Variants in EPHA3 observed in about 807,000 individuals in gnomAD.
EPHA3 encodes EPH receptor A3, also known as ephrin type-A receptor 3.
EPHA3 carries 42 observed loss-of-function variants against 107.1 expected under a neutral mutation model. The observed-to-expected ratio is 0.39, with a 90% CI of 0.31 to 0.51. The LOEUF (loss-of-function observed/expected upper bound fraction) is 0.51, where lower values mean the gene tolerates loss of function less well. Ranked by LOEUF, EPHA3 falls within the 20% of genes least tolerant of loss-of-function variation. The probability of loss-of-function intolerance (pLI) is 0.78; values close to 1 mark genes in which losing one functional copy is unlikely to be tolerated. For synonymous variants in EPHA3, 461 were observed against 424.8 expected (o/e 1.09, Z -1.05); for missense variants, 1,183 against 1,211.2 (o/e 0.98, Z 0.35).
intron 1 of EPHA3, among the ~76,000 whole-genome samples, chr3:89,122,198 T>C (rs1445793773): frequency 6.6e-6 from 1 of 152,166 alleles, no homozygotes; most frequent in Non-Finnish European, 1.5e-5. Flanking sequence ...AAGATAAGTA[T>C]TTGTGAAATG....
chr3:89,293,604 C>G (rs1238453366), intron 3 of EPHA3, among the ~76,000 whole-genome samples: 1 of 152,110 alleles, frequency 6.6e-6, no homozygotes, highest in African/African-American at 2.4e-5. Flanking sequence ...ACAATTTCCC[C>G]ATGCGTTTCT....
At chr3:89,279,833 T>C (rs1705896441) in intron 3 of EPHA3, among the ~76,000 whole-genome samples, 1 of 152,194 alleles carries the variant, frequency 6.6e-6, no homozygotes, top group Non-Finnish European at 1.5e-5. Flanking sequence ...AAGGGTTCAG[T>C]ATTATTATAT....
chr3:89,375,346 G>C (rs1708382344), intron 5 of EPHA3, among the ~76,000 whole-genome samples: 5 of 151,764 alleles, frequency 3.3e-5, no homozygotes, highest in Admixed American at 2.6e-4. Flanking sequence ...TTTGAATATA[G>C]GTTGTTTATT....
At chr3:89,361,759 G>C (rs1010229964) in intron 5 of EPHA3, among the ~76,000 whole-genome samples, 1 of 150,876 alleles carries the variant, frequency 6.6e-6, no homozygotes, top group Non-Finnish European at 1.5e-5. Flanking sequence ...CCTTAGCCTG[G>C]AGAGGTGATA....
intron 2 of EPHA3, among the ~76,000 whole-genome samples, chr3:89,145,804 C>T (rs1252428752): frequency 6.6e-6 from 1 of 151,572 alleles, no homozygotes; most frequent in Non-Finnish European, 1.5e-5. Context: ...TTCTCACTCT[C>T]CATTTCACTG....
intron 1 of EPHA3, among the ~76,000 whole-genome samples, chr3:89,114,986 G>T (rs1707219233): frequency 1.3e-5 from 2 of 152,186 alleles, no homozygotes; most frequent in South Asian, 2.1e-4. Flanking sequence ...TTTTCAGTTT[G>T]ATGTCTGGAA....
chr3:89,228,944 A>G (rs1196239748), intron 3 of EPHA3, among the ~76,000 whole-genome samples: 2 of 151,984 alleles, frequency 1.3e-5, no homozygotes. Flanking sequence ...CTCAACTTTC[A>G]TATGTAGTGA....
At chr3:89,430,540 C>A (rs553700902) in intron 12 of EPHA3, among the ~76,000 whole-genome samples, 7 of 151,974 alleles carry the variant, frequency 4.6e-5, no homozygotes, top group African/African-American at 1.7e-4. Context: ...ACATTTTAAA[C>A]CTTATGTTTC....
At chr3:89,328,280 T>C (rs1341350598) in intron 3 of EPHA3, among the ~76,000 whole-genome samples, 1 of 152,100 alleles carries the variant, frequency 6.6e-6, no homozygotes, top group Non-Finnish European at 1.5e-5. Context: ...GACAGTCCAT[T>C]ACATGGGAAG....
chr3:89,295,387 C>G (rs2107336523), intron 3 of EPHA3, among the ~76,000 whole-genome samples: 1 of 39,312 alleles, frequency 2.5e-5, no homozygotes, highest in Non-Finnish European at 5.0e-5. Flanking sequence ...AGGGTGGCAC[C>G]CTTCAGCTGT....
In EPHA3 at chr3:89,279,958, G is replaced by A. The variant is rs149967397; in HGVS notation, c.815-60958G>A. ...TTGTGAACTATATTTTATTCATTCA[G>A]CTTATGAACTCAGGGGAAAATATAT... is the stretch of plus-strand genomic sequence containing the variant. On this transcript the variant is annotated intron_variant, in intron 3 of 16. Coordinates refer to ENST00000336596, the MANE Select transcript of EPHA3 (RefSeq NM_005233.6). Among the ~76,000 whole-genome samples, 24 of 151,438 alleles carry A rather than the reference G, an allele frequency of 1.6e-4. 1 individual carries two copies. In the East Asian group the frequency reaches 4.1e-3, roughly 26 times the overall value.
chr3:89,473,982 C>G (rs1209200709), intron 16 of EPHA3, among the ~76,000 whole-genome samples: 1 of 151,960 alleles, frequency 6.6e-6, no homozygotes. Context: ...TTTAGTCCCC[C>G]AAGTTTAAGT....
chr3:89,452,438 C>T (rs910341440), intron 15 of EPHA3, among the ~76,000 whole-genome samples: 3 of 152,112 alleles, frequency 2.0e-5, no homozygotes, highest in African/African-American at 7.2e-5. Flanking sequence ...ATTTTCATTT[C>T]TCTAATGACT....
chr3:89,256,275 T>C (rs60475411), intron 3 of EPHA3, among the ~76,000 whole-genome samples: 38,459 of 151,812 alleles, frequency 0.25, 5,531 homozygotes, highest in African/African-American at 0.41. Context: ...AGGCCAGGCA[T>C]GGTGGCTCAC....
intron 5 of EPHA3, among the ~76,000 whole-genome samples, chr3:89,389,299 G>A (rs1417697349): frequency 1.3e-5 from 2 of 152,294 alleles, no homozygotes; most frequent in South Asian, 4.1e-4. Flanking sequence ...AGAAGGAAAT[G>A]TTCCTCAGTA....
intron 3 of EPHA3, among the ~76,000 whole-genome samples, chr3:89,260,864 A>AT (rs1346774304): frequency 6.6e-6 from 1 of 152,026 alleles, no homozygotes; most frequent in Non-Finnish European, 1.5e-5. Flanking sequence ...GCTTTTTCCC[A>AT]TTGTTTCCTG....
intron 3 of EPHA3, among the ~76,000 whole-genome samples, chr3:89,335,642 T>C (rs1559651500): frequency 6.6e-6 from 1 of 152,298 alleles, no homozygotes; most frequent in Non-Finnish European, 1.5e-5. Flanking sequence ...TCATGGATCA[T>C]CTTACTTGAA....
At chr3:89,355,377 A>G (rs1248102320) in intron 5 of EPHA3, among the ~76,000 whole-genome samples, 1 of 151,376 alleles carries the variant, frequency 6.6e-6, no homozygotes, top group African/African-American at 2.4e-5. Context: ...TGCACATTGT[A>G]TCATGTACTT....
intron 3 of EPHA3, among the ~76,000 whole-genome samples, chr3:89,298,111 T>A (rs1368127362): frequency 6.6e-6 from 1 of 152,142 alleles, no homozygotes; most frequent in Non-Finnish European, 1.5e-5. Flanking sequence ...ATTTGGCTGG[T>A]GGGAACAAGC....
Sources: allele counts gnomAD v4.1 joint callset (sites outside exome capture counted in the v4.1 genomes callset), GRCh38; gene constraint gnomAD v4.1.1; transcripts MANE v1.5; gene names NCBI Gene and HGNC (gene_info 2026-07-23, HGNC 2026-07-21).